The following CENPE variants were observed in gnomAD, a reference collection of about 807,000 sequenced individuals.
The protein encoded by CENPE is centromere-associated protein E.
A neutral mutation model predicts 336.1 loss-of-function variants in CENPE; 145 were observed. That is an observed-to-expected ratio of 0.43 (90% CI 0.38 to 0.50). The LOEUF is 0.50. Ranked by LOEUF, CENPE falls within the 20% of genes least tolerant of loss-of-function variation. CENPE has a pLI of 0.00. For synonymous variants in CENPE, 1,013 were observed against 984.8 expected (o/e 1.03, Z -0.54); for missense variants, 2,719 against 3,023.3 (o/e 0.90, Z 2.36).
chr4:103,111,361 C>T (rs1472263604), intron 46 of CENPE, among the ~76,000 whole-genome samples: 4 of 152,222 alleles, frequency 2.6e-5, no homozygotes, highest in Non-Finnish European at 4.4e-5. Flanking sequence ...GGGCTTGTTA[C>T]AACACACTGC....
At chr4:103,150,541 T>C (rs767694163) in intron 26 of CENPE, among the ~76,000 whole-genome samples, 5 of 151,390 alleles carry the variant, frequency 3.3e-5, no homozygotes, top group Non-Finnish European at 5.9e-5. Flanking sequence ...GCTGTGATCA[T>C]GCCACTGCAC....
intron 14 of CENPE, among the ~76,000 whole-genome samples, chr4:103,176,345 TCCC>T (rs34639439): frequency 2.0e-5 from 3 of 151,836 alleles, no homozygotes; most frequent in Non-Finnish European, 2.9e-5. Context: ...GATTTAAAAT[TCCC>T]CCCCAACAGA....
chr4:103,187,802 T>A (rs183604789), intron 8 of CENPE, among the ~76,000 whole-genome samples: 55 of 152,240 alleles, frequency 3.6e-4, no homozygotes, highest in African/African-American at 1.3e-3. Flanking sequence ...ATAACAATAT[T>A]AACTTTAAAT....
chr4:103,157,030 T>C (rs572794860), intron 24 of CENPE, among the ~76,000 whole-genome samples: 225 of 144,478 alleles, frequency 1.6e-3, no homozygotes, highest in African/African-American at 5.4e-3. Context: ...GATGAGATAC[T>C]GCCTCACATC....
chr4:103,168,257 G>A (rs747922598), intron 16 of CENPE, among the ~76,000 whole-genome samples: 2 of 152,142 alleles, frequency 1.3e-5, no homozygotes, highest in Admixed American at 1.3e-4. Flanking sequence ...TATCTCGACT[G>A]TATTGGGAAC....
intron 14 of CENPE, among the ~76,000 whole-genome samples, chr4:103,176,638 C>A (rs1553935896): frequency 6.6e-6 from 1 of 152,144 alleles, no homozygotes; most frequent in Non-Finnish European, 1.5e-5. Flanking sequence ...TGGCTCACTG[C>A]AAGCTCCGCC....
chr4:103,188,721 C>T (rs1176008463), intron 8 of CENPE, among the ~76,000 whole-genome samples: 1 of 152,092 alleles, frequency 6.6e-6, no homozygotes, highest in Non-Finnish European at 1.5e-5. Context: ...CCTAACATCA[C>T]AATTAAAAGA....
rs748976833 is a variant in CENPE at position 103,174,908 on chromosome 4, T to C, written c.1480-5A>G. 1 of 1,436,108 alleles carries C rather than the reference T, an allele frequency of 7.0e-7. No homozygotes were observed. The highest frequency in any genetic ancestry group is 9.2e-7 in the Non-Finnish European group (1 of 1,092,672). The allele number at this position is 1,436,108 out of a possible 1,614,324, so 89.0% of individuals were successfully genotyped here. Reference sequence around the variant, plus strand: ...CAACTCACTTTCTATATTCTCCTATTATAAACAAGAACAGATTTTCCAATC... The same window carrying C: ...CAACTCACTTTCTATATTCTCCTATCATAAACAAGAACAGATTTTCCAATC... On this transcript the variant is annotated splice_region_variant and splice_polypyrimidine_tract_variant and intron_variant, in intron 15 of 48. Transcript: ENST00000265148.
chr4:103,114,492 TTC>T lies in CENPE; in HGVS notation c.7501_7502del (p.Glu2501LysfsTer19). 6.2e-7 allele frequency: 1 copy of T among 1,611,938 alleles called. No individual in the cohort carries two copies. The highest frequency in any genetic ancestry group is 8.5e-7 in the Non-Finnish European group (1 of 1,178,986). On this transcript the variant is annotated frameshift_variant, in exon 46 of 49. Transcript: ENST00000265148. LOFTEE classifies it high-confidence loss of function. ...GGGCCTGTTGACTTCTTCTGAGATTTTCTCTCAATAGCCTTATAACTTCCTTT... is the reference window on the plus strand; with the variant it reads ...GGGCCTGTTGACTTCTTCTGAGATTTTCTCAATAGCCTTATAACTTCCTTT... ...YQKEVIRLLRENLRRSQQAQD... is the reference protein window; with the variant it reads ...YQKEVIRLLRXNLRRSQQAQD...
At chr4:103,138,281 C>T in intron 39 of CENPE, 70 bp downstream of exon 39, 1 of 1,001,710 alleles carries the variant, frequency 1.0e-6, no homozygotes, top group Admixed American at 1.8e-5. Flanking sequence ...CCTTCAATCC[C>T]ACTTCAGGTT....
chr4:103,112,294 A>G (rs1749518330), intron 46 of CENPE, among the ~76,000 whole-genome samples: 1 of 147,126 alleles, frequency 6.8e-6, no homozygotes, highest in Non-Finnish European at 1.5e-5. Context: ...AAAACATAAG[A>G]TATTTGCTTG....
intron 48 of CENPE, among the ~76,000 whole-genome samples, chr4:103,108,423 A>C (rs1319657795): frequency 6.6e-6 from 1 of 152,164 alleles, no homozygotes; most frequent in East Asian, 1.9e-4. Flanking sequence ...TAAATGATTC[A>C]TCTATTATCT....
rs141553798 is a variant in CENPE at position 103,158,788 on chromosome 4, A to G, written c.2700T>C (p.Asp900=). Residue 900 remains aspartate, a synonymous_variant, in exon 23 of 49, where the codon GAT becomes GAC. Transcript: ENST00000265148. ...CCCTTTCTACAGTTTGCAGCGTAGA[A>G]TCTCTATTTTCTAATTGTTCCTTCA... ...EQLKEQLENR[D]STLQTVEREK... is the part of the protein sequence containing the mutation. 14 of 1,613,008 alleles carry G rather than the reference A, an allele frequency of 8.7e-6. No individual in the cohort carries two copies. Among genetic ancestry groups the G allele is most frequent in the Non-Finnish European group, 1.1e-5 (13 of 1,179,482 alleles).
At chr4:103,128,601 G>A (rs954028852) in intron 42 of CENPE, among the ~76,000 whole-genome samples, 4 of 152,182 alleles carry the variant, frequency 2.6e-5, no homozygotes, top group African/African-American at 4.8e-5. Flanking sequence ...GATAATTAGA[G>A]ATTTAAAAAA....
intron 41 of CENPE, 27 bp downstream of exon 41, chr4:103,133,664 TCTAA>T: frequency 1.4e-6 from 2 of 1,422,940 alleles, no homozygotes; most frequent in Non-Finnish European, 2.0e-6. Flanking sequence ...AGGCTTAAAA[TCTAA>T]CTAAATCCAT....
In CENPE at chr4:103,106,230, T is replaced by C. The variant is rs751815365; in HGVS notation, c.8098A>G (p.Thr2700Ala). The C allele has an allele frequency of 2.5e-6, 4 of 1,579,134 alleles. No individual in the cohort carries two copies. In the Admixed American group the frequency reaches 7.1e-5, roughly 28 times the overall value. ...SSGKDVPECK[T>A]Q ...AAGTGACAAAGAGGAGTCTACTGAGTTTTGCACTCAGGCACATCCTTGCCT... is the reference window on the plus strand; with the variant it reads ...AAGTGACAAAGAGGAGTCTACTGAGCTTTGCACTCAGGCACATCCTTGCCT... The change falls in exon 49 of 49, where the codon ACT becomes GCT. Residue 2700 changes from threonine (T) to alanine (A), a missense_variant. Transcript: ENST00000265148.
chr4:103,180,238 A>C (rs1756214383), intron 13 of CENPE, 73 bp downstream of exon 13: 2 of 1,378,384 alleles, frequency 1.5e-6, no homozygotes, highest in Admixed American at 2.1e-5. Flanking sequence ...AGTGCATACT[A>C]TATAATAAAC....
At chr4:103,131,539 T>C (rs544694466) in intron 42 of CENPE, among the ~76,000 whole-genome samples, 14 of 152,204 alleles carry the variant, frequency 9.2e-5, no homozygotes, top group Non-Finnish European at 2.1e-4. Flanking sequence ...TGGAAGACTG[T>C]CTGGCAGTTT....
intron 16 of CENPE, among the ~76,000 whole-genome samples, chr4:103,165,879 T>A (rs952090609): frequency 5.4e-4 from 75 of 139,840 alleles, no homozygotes; most frequent in South Asian, 2.2e-3. Flanking sequence ...CTTTGTGTTT[T>A]AAAAAAAAAA....
Sources: allele counts gnomAD v4.1 joint callset (sites outside exome capture counted in the v4.1 genomes callset), GRCh38; gene constraint gnomAD v4.1.1; transcripts MANE v1.5; gene names NCBI Gene and HGNC (gene_info 2026-07-23, HGNC 2026-07-21).